The following GRIN2B variants were observed in gnomAD, a reference collection of about 807,000 sequenced individuals.
GRIN2B encodes glutamate receptor ionotropic, NMDA 2B.
A neutral mutation model predicts 114.5 loss-of-function variants in GRIN2B; 5 were observed. The observed-to-expected ratio is 0.04, with a 90% CI of 0.02 to 0.09. The LOEUF is 0.09. Among genes scored for constraint, GRIN2B ranks in the 10% least tolerant of loss-of-function variants. The pLI is 1.00. For synonymous variants in GRIN2B, 787 were observed against 745.1 expected, an observed-to-expected ratio of 1.06 and a Z score of -0.92; for missense variants, 1,108 against 1,943.5, an observed-to-expected ratio of 0.57 and a Z score of 8.08.
rs1411053866 is a variant in GRIN2B at position 13,547,154 on chromosome 12, G to A, written c.*15629C>T. 6.6e-6 allele frequency: 1 copy of A among 152,212 alleles called. No homozygotes were observed. Among genetic ancestry groups the A allele is most frequent in the African/African-American group, 2.4e-5 (1 of 41,446 alleles). 9.4% of individuals were successfully genotyped at this position (152,212 alleles called of 1,614,324 possible). On this transcript the variant is annotated 3_prime_UTR_variant, in exon 14 of 14. Coordinates refer to ENST00000609686, the MANE Select transcript of GRIN2B (RefSeq NM_000834.5). ...TATCCCATTTTCATAGGAAAGGAAAGTCGGGGAGGGGAGCCAAAAACATGA... is the reference window on the plus strand; with the variant it reads ...TATCCCATTTTCATAGGAAAGGAAAATCGGGGAGGGGAGCCAAAAACATGA...
intron 2 of GRIN2B, among the ~76,000 whole-genome samples, chr12:13,920,341 C>A (rs1230266956): frequency 6.6e-6 from 1 of 152,004 alleles, no homozygotes; most frequent in African/African-American, 2.4e-5. Context: ...CTCACTTACG[C>A]TTCTCACAGA....
At chr12:13,639,492 C>G (rs1010206478) in intron 5 of GRIN2B, among the ~76,000 whole-genome samples, 3 of 152,142 alleles carry the variant, frequency 2.0e-5, no homozygotes, top group Non-Finnish European at 4.4e-5. Flanking sequence ...GTCCCATCTC[C>G]TTTTACGTTC....
At chr12:13,897,417 G>A (rs1299546966) in intron 2 of GRIN2B, among the ~76,000 whole-genome samples, 1 of 152,154 alleles carries the variant, frequency 6.6e-6, no homozygotes, top group East Asian at 1.9e-4. Context: ...CTTACTGTGT[G>A]ATAAAGAGCA....
chr12:13,702,691 T>A (rs961393144), intron 4 of GRIN2B, among the ~76,000 whole-genome samples: 4 of 152,092 alleles, frequency 2.6e-5, no homozygotes, highest in Non-Finnish European at 4.4e-5. Flanking sequence ...AAATACCCCA[T>A]AAAGACGGAC....
In GRIN2B at chr12:13,562,261, G is replaced by A. The variant is rs1174379053; in HGVS notation, c.*522C>T. 1.3e-5 allele frequency: 2 copies of A among 158,002 alleles called. No individual in the cohort carries two copies. The highest frequency in any genetic ancestry group is 2.8e-5 in the Non-Finnish European group (2 of 71,514). The allele number at this position is 158,002 out of a possible 1,614,324, so 9.8% of individuals were successfully genotyped here. A position where few individuals can be genotyped will look rare whatever the true frequency, so the allele number is the denominator to read the frequency against. On this transcript the variant is annotated 3_prime_UTR_variant, in exon 14 of 14. Transcript: ENST00000609686. The stretch of plus-strand genomic sequence containing the variant: ...ACCTCTGCTTGGCACATGATTCCTA[G>A]ACAGATGTCATCTAAGCAGCATGAA...
At chr12:13,881,139 A>T (rs1866068021) in intron 2 of GRIN2B, among the ~76,000 whole-genome samples, 1 of 151,854 alleles carries the variant, frequency 6.6e-6, no homozygotes, top group Non-Finnish European at 1.5e-5. Flanking sequence ...TCTATTCCTC[A>T]CCTTGTGTCT....
Position 13,571,795 on chromosome 12 carries a change from A to G in GRIN2B, c.2171+9T>C, listed in dbSNP as rs1249379057. ...GATCAAGGACTCTGAGCTTGGAAGC[A>G]GTTCTTACCCTGTTTTCAGGGAGAG... On this transcript the variant is annotated intron_variant, in intron 11 of 13. Transcript: ENST00000609686. 1.9e-6 allele frequency: 3 copies of G among 1,614,080 alleles called. No homozygotes were observed. Among genetic ancestry groups the G allele is most frequent in the Non-Finnish European group, 2.5e-6 (3 of 1,179,898 alleles).
chr12:13,611,638 A>G, intron 9 of GRIN2B, 87 bp downstream of exon 9: 1 of 1,289,840 alleles, frequency 7.8e-7, no homozygotes, highest in Non-Finnish European at 1.1e-6. Context: ...TATGCTAGGG[A>G]AAATGCAGAT....
chr12:13,725,792 C>T (rs1021030779), intron 4 of GRIN2B, among the ~76,000 whole-genome samples: 1 of 152,102 alleles, frequency 6.6e-6, no homozygotes, highest in Non-Finnish European at 1.5e-5. Flanking sequence ...CTTCACTGAA[C>T]CCTAAGTTCT....
chr12:13,566,769 T>C (rs1217979363), intron 13 of GRIN2B, among the ~76,000 whole-genome samples: 2 of 152,198 alleles, frequency 1.3e-5, no homozygotes, highest in African/African-American at 4.8e-5. Context: ...TTTTGACAGA[T>C]CTGTCAGTTC....
chr12:13,687,717 T>C lies in GRIN2B; in HGVS notation c.1011-11858A>G, dbSNP rs1193239826. Among the ~76,000 whole-genome samples the C allele has an allele frequency of 2.0e-5, 3 of 152,224 alleles. 1 individual carries two copies. The highest frequency in any genetic ancestry group is 7.2e-5 in the African/African-American group (3 of 41,468). ...TCTCTTTCTGTTATAATTTCATCTT[T>C]AACACATGAATGAAAGGAAGAATTA... On this transcript the variant is annotated intron_variant, in intron 4 of 13. Coordinates refer to ENST00000609686, the MANE Select transcript of GRIN2B (RefSeq NM_000834.5).
chr12:13,741,965 T>C (rs1404928921), intron 4 of GRIN2B, among the ~76,000 whole-genome samples: 1 of 152,224 alleles, frequency 6.6e-6, no homozygotes, highest in Non-Finnish European at 1.5e-5. Flanking sequence ...TTTTTAAAAA[T>C]AAATTTTCTA....
intron 5 of GRIN2B, among the ~76,000 whole-genome samples, chr12:13,641,134 C>T (rs1183422802): frequency 1.3e-5 from 2 of 151,902 alleles, no homozygotes; most frequent in East Asian, 3.9e-4. Flanking sequence ...GACGGTGGCA[C>T]AATCTCAGCT....
At chr12:13,714,075 C>G (rs1950436098) in intron 4 of GRIN2B, among the ~76,000 whole-genome samples, 1 of 151,746 alleles carries the variant, frequency 6.6e-6, no homozygotes, top group African/African-American at 2.4e-5. Flanking sequence ...TAAAAATGTA[C>G]CCTACATCAC....
At chr12:13,818,140 A>G (rs550692682) in intron 3 of GRIN2B, among the ~76,000 whole-genome samples, 7 of 152,330 alleles carry the variant, frequency 4.6e-5, no homozygotes, top group South Asian at 4.1e-4. Flanking sequence ...TTATAATTTA[A>G]TAACAACCTA....
chr12:13,723,215 G>A (rs893364315), intron 4 of GRIN2B, among the ~76,000 whole-genome samples: 5 of 151,552 alleles, frequency 3.3e-5, no homozygotes, highest in African/African-American at 1.2e-4. Context: ...AGGTATACAC[G>A]TGCCATGGTG....
chr12:13,590,208 A>G (rs1441789478), intron 10 of GRIN2B, among the ~76,000 whole-genome samples: 1 of 151,868 alleles, frequency 6.6e-6, no homozygotes, highest in Non-Finnish European at 1.5e-5. Context: ...CTTAAGAAAG[A>G]CCTAGTTTTT....
intron 2 of GRIN2B, among the ~76,000 whole-genome samples, chr12:13,973,377 C>T (rs1051191629): frequency 2.7e-4 from 41 of 152,104 alleles, no homozygotes; most frequent in Non-Finnish European, 3.2e-4. Flanking sequence ...CATAGTTTGC[C>T]GTTGGTGAGT....
intron 2 of GRIN2B, among the ~76,000 whole-genome samples, chr12:13,877,542 G>T (rs1465788144): frequency 6.6e-6 from 1 of 152,148 alleles, no homozygotes; most frequent in Non-Finnish European, 1.5e-5. Flanking sequence ...CTCTTTAGTT[G>T]TTCTTGCCTT....
Sources: gnomAD v4.1 joint callset for allele counts (sites outside exome capture counted in the v4.1 genomes callset) on GRCh38, gnomAD v4.1.1 for gene constraint, MANE v1.5 for transcripts, NCBI Gene and HGNC (gene_info 2026-07-23, HGNC 2026-07-21) for gene names.